The following DCLK1 variants were observed in gnomAD, a reference collection of about 807,000 sequenced individuals.
The protein encoded by DCLK1 is doublecortin like kinase 1.
In DCLK1, 16 loss-of-function variants were observed where a neutral mutation model predicts 86.2. The ratio of observed to expected loss-of-function variants is 0.19; its 90% CI spans 0.13 to 0.28. The LOEUF is 0.28. DCLK1 is among the 10% of genes least tolerant of loss of function. The pLI is 1.00. For synonymous variants in DCLK1, 369 were observed against 370.5 expected (o/e 1.00, Z 0.05); for missense variants, 590 against 940.2 (o/e 0.63, Z 4.87).
intron 3 of DCLK1, among the ~76,000 whole-genome samples, chr13:35,978,680 C>A (rs539881766): frequency 3.3e-5 from 5 of 152,152 alleles, no homozygotes; most frequent in African/African-American, 1.2e-4. Flanking sequence ...AAACAACCAA[C>A]ATGTAATATC....
rs146842208 is a variant in DCLK1, at chr13:36,014,440, GT to G, written c.724-66984del. On this transcript the variant is annotated intron_variant, in intron 3 of 16. Coordinates refer to ENST00000360631, the MANE Select transcript of DCLK1 (RefSeq NM_001330071.2). ...TTTTAAATTACAGCCGATAAAAACT[GT>G]TTTTTTTTACAGCCTTATTTTCTCA... is the stretch of plus-strand genomic sequence containing the variant. 2.0e-4 allele frequency among the ~76,000 whole-genome samples: 30 copies of G among 150,668 alleles called. 1 individual carries two copies. Among genetic ancestry groups the G allele is most frequent in the African/African-American group, 3.9e-4 (16 of 41,098 alleles).
intron 14 of DCLK1, 138 bp from the exon 15 acceptor site, chr13:35,805,917 C>A: frequency 3.3e-6 from 2 of 601,210 alleles, no homozygotes; most frequent in South Asian, 3.6e-5. Context: ...CTCCACTTAC[C>A]TGTGGCTATT....
At chr13:36,063,305 G>C (rs780364217) in intron 3 of DCLK1, among the ~76,000 whole-genome samples, 5 of 152,098 alleles carry the variant, frequency 3.3e-5, no homozygotes, top group Non-Finnish European at 5.9e-5. Context: ...CAGGGTCCCA[G>C]GGATATTACA....
At chr13:36,045,396 C>T (rs117965023) in intron 3 of DCLK1, among the ~76,000 whole-genome samples, 1,961 of 121,388 alleles carry the variant, frequency 0.016, 31 homozygotes, top group Middle Eastern at 0.072. Flanking sequence ...AAATTGCTAA[C>T]ATCAGTGAAC....
chr13:35,810,161 G>A (rs577371335), intron 12 of DCLK1, among the ~76,000 whole-genome samples: 1 of 152,142 alleles, frequency 6.6e-6, no homozygotes, highest in Non-Finnish European at 1.5e-5. Context: ...AACTAATCAT[G>A]AGCTTGCATG....
At chr13:36,131,914 C>A (rs1157891456), upstream of DCLK1, among the ~76,000 whole-genome samples, 1 of 152,248 alleles carries the variant, frequency 6.6e-6, no homozygotes. Context: ...TGGTGCCCCC[C>A]ACATTGGGAA....
intron 5 of DCLK1, among the ~76,000 whole-genome samples, chr13:35,862,861 C>G (rs9315370): frequency 0.03 from 4,601 of 152,038 alleles, 266 homozygotes; most frequent in African/African-American, 0.1. Flanking sequence ...CCTGTTTCCT[C>G]TAGGTCATCA....
intron 3 of DCLK1, among the ~76,000 whole-genome samples, chr13:36,006,883 G>A (rs4941826): frequency 0.17 from 25,366 of 152,216 alleles, 2,516 homozygotes; most frequent in East Asian, 0.45. Flanking sequence ...TCAGATAAGA[G>A]AGTATGTATT....
rs182909503 is a variant in DCLK1, at chr13:35,992,907, C to T, written c.724-45450G>A. On this transcript the variant is annotated intron_variant, in intron 3 of 16. Coordinates refer to ENST00000360631, the MANE Select transcript of DCLK1 (RefSeq NM_001330071.2). Reference sequence around the variant, plus strand: ...GAACTGCACTGATATACTACTCCCCCATCAGTGATCTCCAGTCTCTAATCG... The same window carrying T: ...GAACTGCACTGATATACTACTCCCCTATCAGTGATCTCCAGTCTCTAATCG... 5.5e-3 allele frequency among the ~76,000 whole-genome samples: 840 copies of T among 152,232 alleles called. 6 individuals carry two copies. Among genetic ancestry groups the T allele is most frequent in the African/African-American group, 0.019 (800 of 41,518 alleles).
At chr13:35,785,583 A>G (rs1422022791) in intron 16 of DCLK1, among the ~76,000 whole-genome samples, 1 of 152,170 alleles carries the variant, frequency 6.6e-6, no homozygotes, top group Non-Finnish European at 1.5e-5. Context: ...CTATTTGTCT[A>G]CAATCACCAA....
At chr13:36,045,330 G>GTATATATATATCTATATA (rs1316034070) in intron 3 of DCLK1, among the ~76,000 whole-genome samples, 4 of 56,618 alleles carry the variant, frequency 7.1e-5, no homozygotes, top group African/African-American at 1.4e-4. Context: ...GTGTGTGTGT[G>GTATATATATATCTATATA]TGTATATATA....
At chr13:35,832,834 G>A (rs1387530661) in intron 8 of DCLK1, among the ~76,000 whole-genome samples, 2 of 152,148 alleles carry the variant, frequency 1.3e-5, no homozygotes, top group African/African-American at 4.8e-5. Flanking sequence ...TGGCTCTCAG[G>A]AGCCAGAGGC....
rs1439662418 is a variant in DCLK1, at chr13:36,020,635, A to C, written c.724-73178T>G. 3.3e-5 allele frequency among the ~76,000 whole-genome samples: 5 copies of C among 152,322 alleles called. No individual in the cohort carries two copies. The East Asian group carries it at 9.7e-4, about 29-fold the overall frequency. The stretch of plus-strand genomic sequence containing the variant: ...AGTGACCTGCAAGATATCAGCAAGC[A>C]TACAACTTAATAAGAGTCTAAAAAA... On this transcript the variant is annotated intron_variant, in intron 3 of 16. Transcript: ENST00000360631.
chr13:35,891,909 C>T (rs1873668351), intron 4 of DCLK1, among the ~76,000 whole-genome samples: 1 of 152,116 alleles, frequency 6.6e-6, no homozygotes. Context: ...GGGGGGTTTT[C>T]CCCTTCCCTT....
intron 2 of DCLK1, among the ~76,000 whole-genome samples, chr13:36,115,329 A>T (rs577694610): frequency 5.3e-4 from 14 of 26,280 alleles, no homozygotes; most frequent in Admixed American, 3.9e-3. Flanking sequence ...AATTTATCTT[A>T]AACAAACAAA....
At chr13:35,954,645 A>G (rs1877881368) in intron 3 of DCLK1, among the ~76,000 whole-genome samples, 1 of 152,140 alleles carries the variant, frequency 6.6e-6, no homozygotes, top group South Asian at 2.1e-4. Context: ...GAAAGTGATA[A>G]TTTATTTTAC....
chr13:36,089,234 A>C (rs1884730171), intron 3 of DCLK1, among the ~76,000 whole-genome samples: 1 of 152,152 alleles, frequency 6.6e-6, no homozygotes, highest in South Asian at 2.1e-4. Flanking sequence ...AATGTCACAT[A>C]TCTGCGAATA....
intron 4 of DCLK1, among the ~76,000 whole-genome samples, chr13:35,894,138 A>G (rs1873806180): frequency 1.3e-5 from 2 of 152,004 alleles, no homozygotes; most frequent in Non-Finnish European, 2.9e-5. Flanking sequence ...TCAAACAAAC[A>G]AACAAAAAAA....
At chr13:35,920,191 C>T (rs1310034449) in intron 4 of DCLK1, among the ~76,000 whole-genome samples, 1 of 152,160 alleles carries the variant, frequency 6.6e-6, no homozygotes, top group African/African-American at 2.4e-5. Context: ...CAACTATGTC[C>T]ACATCTTCAA....
Sources: allele counts gnomAD v4.1 joint callset (sites outside exome capture counted in the v4.1 genomes callset), GRCh38; gene constraint gnomAD v4.1.1; transcripts MANE v1.5; gene names NCBI Gene and HGNC (gene_info 2026-07-23, HGNC 2026-07-21).